Variants in SNTG1 observed in about 807,000 individuals in gnomAD.
SNTG1 encodes gamma-1-syntrophin.
A neutral mutation model predicts 74.7 loss-of-function variants in SNTG1; 39 were observed. The observed-to-expected ratio is 0.52, with a 90% CI of 0.40 to 0.68. The LOEUF (loss-of-function observed/expected upper bound fraction) is 0.68. SNTG1 is among the 30% of genes least tolerant of loss of function. The pLI is 0.00. For synonymous variants in SNTG1, 254 were observed against 217.1 expected (o/e 1.17, Z -1.49); for missense variants, 685 against 609.5 (o/e 1.12, Z -1.30).
chr8:50,354,711 G>T (rs1282076483), intron 2 of SNTG1, among the ~76,000 whole-genome samples: 1 of 152,138 alleles, frequency 6.6e-6, no homozygotes, highest in Admixed American at 6.5e-5. Flanking sequence ...TGGGTCTGCA[G>T]GTCAGGATCT....
At chr8:50,621,652 CAACA>C (rs1328097898) in intron 13 of SNTG1, among the ~76,000 whole-genome samples, 2 of 152,112 alleles carry the variant, frequency 1.3e-5, no homozygotes, top group Admixed American at 6.5e-5. Context: ...CTGAGACAGC[CAACA>C]GACAACTGCC....
chr8:50,474,020 G>A (rs1167470443), intron 8 of SNTG1, among the ~76,000 whole-genome samples: 2 of 151,846 alleles, frequency 1.3e-5, no homozygotes, highest in Non-Finnish European at 2.9e-5. Flanking sequence ...ACGGCTCCAT[G>A]GAGTCTAGAG....
In SNTG1 at chr8:50,403,578, G is replaced by A. The variant is rs187598402; in HGVS notation, c.162+1234G>A. ...CAGTAAAATTTACTACTTTGATACT[G>A]AAATAATATTATTGATTTTAAACTT... On this transcript the variant is annotated intron_variant, in intron 4 of 18. Coordinates refer to ENST00000642720, the MANE Select transcript of SNTG1 (RefSeq NM_018967.5). Among the ~76,000 whole-genome samples the A allele has an allele frequency of 3.7e-4, 57 of 152,194 alleles. 1 individual carries two copies. Among genetic ancestry groups the A allele is most frequent in the African/African-American group, 1.4e-3 (57 of 41,534 alleles).
chr8:50,744,489 A>G (rs1238133921), intron 17 of SNTG1, among the ~76,000 whole-genome samples: 2 of 152,044 alleles, frequency 1.3e-5, no homozygotes, highest in African/African-American at 4.8e-5. Flanking sequence ...TAAGATGACA[A>G]TATGATACAA....
Position 50,056,024 on chromosome 8 carries a change from G to A in SNTG1, c.-102-116537G>A, listed in dbSNP as rs139322447. ...GCTTGGAAGCAGTTCCAAACGGAGGGAAAAATGAATCATCACCTTTCCGTA... is the reference window on the plus strand; with the variant it reads ...GCTTGGAAGCAGTTCCAAACGGAGGAAAAAATGAATCATCACCTTTCCGTA... On this transcript the variant is annotated intron_variant, in intron 1 of 18. Transcript: ENST00000642720. Among the ~76,000 whole-genome samples, 516 of 152,072 alleles carry A rather than the reference G, an allele frequency of 3.4e-3. 2 individuals are homozygous for A. The highest frequency in any genetic ancestry group is 6.8e-3 in the Middle Eastern group (2 of 294).
At chr8:49,993,115 G>A (rs1279034432) in intron 1 of SNTG1, among the ~76,000 whole-genome samples, 2 of 151,974 alleles carry the variant, frequency 1.3e-5, no homozygotes, top group Non-Finnish European at 2.9e-5. Flanking sequence ...GAAGTTCAAG[G>A]AGAATGATAC....
intron 11 of SNTG1, among the ~76,000 whole-genome samples, chr8:50,543,505 A>C (rs575755510): frequency 1.3e-5 from 2 of 152,080 alleles, no homozygotes; most frequent in South Asian, 2.1e-4. Flanking sequence ...AGATTCTTCC[A>C]AGTAGTTTTA....
rs557266225 is a variant in SNTG1, at chr8:50,121,447, A to G, written c.-102-51114A>G. On this transcript the variant is annotated intron_variant, in intron 1 of 18. Coordinates refer to ENST00000642720, the MANE Select transcript of SNTG1 (RefSeq NM_018967.5). ...TATTTATCAGTGCATACAAAATTTT[A>G]TGTACAAAAATAAAAATAATGTTAC... is the stretch of plus-strand genomic sequence containing the variant. Among the ~76,000 whole-genome samples, 9 of 142,310 alleles carry G rather than the reference A, an allele frequency of 6.3e-5. 2 individuals carry two copies. In the South Asian group the frequency reaches 2.1e-3, roughly 33 times the overall value. The allele number at this position is 142,310 out of a possible 152,430, so 93.4% of individuals were successfully genotyped here. A position where few individuals can be genotyped will look rare whatever the true frequency, so the allele number is the denominator to read the frequency against.
At chr8:49,920,552 CAAAT>C (rs934946433) in intron 1 of SNTG1, among the ~76,000 whole-genome samples, 10 of 151,740 alleles carry the variant, frequency 6.6e-5, no homozygotes, top group Admixed American at 6.6e-4. Flanking sequence ...AATAAAAAAA[CAAAT>C]AAACAACAAC....
chr8:50,670,839 A>T (rs1190498348), intron 15 of SNTG1, among the ~76,000 whole-genome samples: 1 of 151,380 alleles, frequency 6.6e-6, no homozygotes, highest in Non-Finnish European at 1.5e-5. Flanking sequence ...TGGTACCAAA[A>T]CAGAGATATA....
chr8:49,969,444 A>G (rs1237127700), intron 1 of SNTG1, among the ~76,000 whole-genome samples: 2 of 122,830 alleles, frequency 1.6e-5, no homozygotes, highest in Non-Finnish European at 3.1e-5. Context: ...TCGCCCAGGC[A>G]GGAGTGCAAT....
intron 2 of SNTG1, among the ~76,000 whole-genome samples, chr8:50,346,552 C>T (rs1301524489): frequency 6.6e-6 from 1 of 152,184 alleles, no homozygotes; most frequent in Non-Finnish European, 1.5e-5. Flanking sequence ...ACGTTTCTCC[C>T]TTTAAATCAA....
chr8:49,922,947 G>A (rs1335231571), intron 1 of SNTG1, among the ~76,000 whole-genome samples: 1 of 152,102 alleles, frequency 6.6e-6, no homozygotes, highest in Non-Finnish European at 1.5e-5. Flanking sequence ...ACTGATAAAT[G>A]TAATGATTCG....
At chr8:50,389,622 T>A (rs2092626254) in intron 2 of SNTG1, among the ~76,000 whole-genome samples, 1 of 152,174 alleles carries the variant, frequency 6.6e-6, no homozygotes, top group Non-Finnish European at 1.5e-5. Flanking sequence ...CTGGGTCAAA[T>A]GGTATTTCTA....
chr8:50,423,520 T>G (rs2093123011), intron 4 of SNTG1, among the ~76,000 whole-genome samples: 1 of 152,226 alleles, frequency 6.6e-6, no homozygotes, highest in Non-Finnish European at 1.5e-5. Context: ...CAAGTTAACT[T>G]CTTTATCTTT....
intron 1 of SNTG1, among the ~76,000 whole-genome samples, chr8:50,002,778 C>T (rs1814864212): frequency 1.3e-5 from 2 of 152,000 alleles, no homozygotes; most frequent in South Asian, 2.1e-4. Flanking sequence ...AAAACATATG[C>T]CCATACAAAA....
chr8:50,262,087 T>G (rs1002037515), intron 2 of SNTG1, among the ~76,000 whole-genome samples: 1 of 152,062 alleles, frequency 6.6e-6, no homozygotes, highest in African/African-American at 2.4e-5. Flanking sequence ...ACTAGAAGAT[T>G]AAATAACATA....
chr8:50,141,072 T>C (rs1202420823), intron 1 of SNTG1, among the ~76,000 whole-genome samples: 2 of 152,244 alleles, frequency 1.3e-5, no homozygotes, highest in Non-Finnish European at 2.9e-5. Flanking sequence ...CATGAAAATG[T>C]GTTTCTTCAG....
intron 17 of SNTG1, among the ~76,000 whole-genome samples, chr8:50,731,331 C>A (rs1040574526): frequency 1.3e-5 from 2 of 152,024 alleles, no homozygotes; most frequent in African/African-American, 4.8e-5. Flanking sequence ...TACTGATTAT[C>A]CTAGAGTGCA....
Sources: allele counts gnomAD v4.1 joint callset (sites outside exome capture counted in the v4.1 genomes callset), GRCh38; gene constraint gnomAD v4.1.1; transcripts MANE v1.5; gene names NCBI Gene and HGNC (gene_info 2026-07-23, HGNC 2026-07-21).